Variants in MGST1 observed in about 807,000 individuals in gnomAD.
The protein encoded by MGST1 is microsomal glutathione S-transferase 1, also known as glutathione S-transferase 12.
MGST1 carries 5 observed loss-of-function variants against 8.9 expected under a neutral mutation model. The ratio of observed to expected loss-of-function variants is 0.56; its 90% CI spans 0.29 to 1.19. MGST1 has a LOEUF of 1.19. MGST1 is among the 50% of genes most tolerant of loss of function. The pLI is 0.08. For synonymous variants in MGST1, 54 were observed against 67.8 expected, an observed-to-expected ratio of 0.80 and a Z score of 1.00; for missense variants, 182 against 187.4, an observed-to-expected ratio of 0.97 and a Z score of 0.17.
chr12:16,411,105 G>C (rs138709868), intron 1 of MGST1, among the ~76,000 whole-genome samples: 1 of 152,056 alleles, frequency 6.6e-6, no homozygotes, highest in Non-Finnish European at 1.5e-5. Flanking sequence ...TTTTGTCATG[G>C]ACCCTCAAGG....
Position 16,513,601 on chromosome 12 carries a change from A to G in MGST1, n.483-75927A>G. 1 of 494,492 alleles carries G rather than the reference A, an allele frequency of 2.0e-6. No individual in the cohort carries two copies. Among genetic ancestry groups the G allele is most frequent in the Non-Finnish European group, 4.1e-6 (1 of 242,502 alleles). 30.6% of individuals were successfully genotyped at this position (494,492 alleles called of 1,614,324 possible). On this transcript the variant is annotated intron_variant and non_coding_transcript_variant, in intron 4 of 4. Transcript: ENST00000538857. This position sits in a 1 kb window ranked among gnomAD's most constrained non-coding sequence, Gnocchi z 4.2. ...GGGAGTTAGTGCCTACAGGGACCAC[A>G]ACGGAAAGCCTTACAGCATCCACAA...
In MGST1 at chr12:16,413,222, T is replaced by C. The variant is rs1240589521; in HGVS notation, n.779-24166T>C. On this transcript the variant is annotated intron_variant and non_coding_transcript_variant, in intron 1 of 1. Transcript: ENST00000359720. This position sits in a 1 kb window ranked among gnomAD's most constrained non-coding sequence, Gnocchi z 4.0. ...TTTGGCTCTGCAGGAGCTAAACTGG[T>C]ATCTACGGATGCTGTGTTGCCATTT... 6.6e-6 allele frequency among the ~76,000 whole-genome samples: 1 copy of C among 152,206 alleles called. No individual in the cohort carries two copies. The highest frequency in any genetic ancestry group is 1.5e-5 in the Non-Finnish European group (1 of 68,040).
intron 4 of MGST1, among the ~76,000 whole-genome samples, chr12:16,509,960 C>T (rs1473613255): frequency 1.3e-5 from 2 of 152,136 alleles, no homozygotes; most frequent in Non-Finnish European, 2.9e-5. Context: ...TCTCTTGATC[C>T]TTGATTTCCT....
At chr12:16,415,024 C>CA (rs938670768) in intron 1 of MGST1, among the ~76,000 whole-genome samples, 2 of 151,896 alleles carry the variant, frequency 1.3e-5, no homozygotes, top group African/African-American at 2.4e-5. Context: ...AACTTCGCCT[C>CA]AAAAAATTTT....
chr12:16,465,143 G>T (rs1941244935), intron 4 of MGST1, among the ~76,000 whole-genome samples: 2 of 152,236 alleles, frequency 1.3e-5, no homozygotes, highest in Non-Finnish European at 2.9e-5. Context: ...AAGAGGAGGG[G>T]TGGTGGTATG....
At chr12:16,395,788 T>TACAC (rs1352434655) in intron 1 of MGST1, among the ~76,000 whole-genome samples, 3 of 121,548 alleles carry the variant, frequency 2.5e-5, no homozygotes, top group East Asian at 3.0e-4. Flanking sequence ...ATCATATATA[T>TACAC]ATATATATAT....
rs370920842 is a variant in MGST1, at chr12:16,536,541, A to G, written n.483-52987A>G. ...CTGTTTTGGCACTAAGTAAAAAGGCAACCTTGAAATGACAATGTATTTGTC... is the reference window on the plus strand; with the variant it reads ...CTGTTTTGGCACTAAGTAAAAAGGCGACCTTGAAATGACAATGTATTTGTC... On this transcript the variant is annotated intron_variant and non_coding_transcript_variant, in intron 4 of 4. Coordinates refer to the MGST1 transcript ENST00000538857. Among the ~76,000 whole-genome samples the G allele has an allele frequency of 2.3e-4, 35 of 152,318 alleles. No homozygotes were observed. The East Asian group carries it at 2.7e-3, about 12-fold the overall frequency.
In MGST1 at chr12:16,357,706, C is replaced by G. The variant is rs770077140; in HGVS notation, c.221+7C>G. 6.2e-7 allele frequency: 1 copy of G among 1,605,834 alleles called. No individual in the cohort carries two copies. Among genetic ancestry groups the G allele is most frequent in the Non-Finnish European group, 8.5e-7 (1 of 1,176,074 alleles). The stretch of plus-strand genomic sequence containing the variant: ...GAGTAGAACGTGTACGCAGGTAAAC[C>G]AGTGTCTCTTGAAATTACTTACTTT... On this transcript the variant is annotated splice_region_variant and intron_variant, in intron 3 of 3. Coordinates refer to ENST00000396210, the MANE Select transcript of MGST1 (RefSeq NM_020300.5).
Position 16,584,297 on chromosome 12 carries a change from G to A in MGST1, n.483-5231G>A, listed in dbSNP as rs1180116543. On this transcript the variant is annotated intron_variant and non_coding_transcript_variant, in intron 4 of 4. Transcript: ENST00000538857. This position sits in a 1 kb window ranked among gnomAD's most constrained non-coding sequence, Gnocchi z 5.2. Reference sequence around the variant, plus strand: ...TTCATGGAATGTGGGATTTACATGAGTAAGTAGTACCTTGCACCTGTTGAC... The same window carrying A: ...TTCATGGAATGTGGGATTTACATGAATAAGTAGTACCTTGCACCTGTTGAC... Among the ~76,000 whole-genome samples the A allele has an allele frequency of 1.3e-5, 2 of 152,186 alleles. No individual in the cohort carries two copies. Among genetic ancestry groups the A allele is most frequent in the Non-Finnish European group, 2.9e-5 (2 of 68,042 alleles).
chr12:16,400,652 TC>T, intron 1 of MGST1: 1 of 1,496,344 alleles, frequency 6.7e-7, no homozygotes, highest in Non-Finnish European at 9.3e-7. Flanking sequence ...AAAAGTCGCT[TC>T]AGGGTTAGGA....
chr12:16,397,839 TTAA>T (rs971891354), intron 1 of MGST1, among the ~76,000 whole-genome samples: 1 of 149,238 alleles, frequency 6.7e-6, no homozygotes, highest in African/African-American at 2.4e-5. Context: ...TAATATAAAT[TTAA>T]TAATAAATAT....
At position 16,362,737 on chromosome 12, in the gene MGST1, C is replaced by G. The variant is rs111729264; in HGVS notation, c.222-1058C>G. ...CTGAGGCTGGAGGACTGCTTGAGAC[C>G]AGGTGTTCAAGACCAGCCTGGGCAA... On this transcript the variant is annotated intron_variant, in intron 3 of 3. Coordinates refer to ENST00000396210, the MANE Select transcript of MGST1 (RefSeq NM_020300.5). This position sits in a 1 kb window ranked among gnomAD's most constrained non-coding sequence, Gnocchi z 4.4. 2 of 152,032 alleles carry G rather than the reference C, an allele frequency of 1.3e-5. No homozygotes were observed. Among genetic ancestry groups the G allele is most frequent in the Admixed American group, 6.6e-5 (1 of 15,252 alleles). The allele number at this position is 152,032 out of a possible 1,614,324, so 9.4% of individuals were successfully genotyped here. A position where few individuals can be genotyped will look rare whatever the true frequency, so the allele number is the denominator to read the frequency against.
intron 4 of MGST1, among the ~76,000 whole-genome samples, chr12:16,489,821 T>C (rs1291370374): frequency 2.0e-5 from 3 of 152,162 alleles, no homozygotes; most frequent in South Asian, 2.1e-4. Context: ...CCAGTTATTT[T>C]CTACCGCCAT....
Position 16,354,355 on chromosome 12 carries a change from G to A in MGST1, c.103G>A (p.Ala35Thr), listed in dbSNP as rs758808454. ...AATGATGCTTATGAGTACTGCAACT[G>A]CATTCTATAGATTGACAAGAAAGGT... ...SKMMLMSTAT[A>T]FYRLTRKVFA... Residue 35 changes from alanine to threonine, a missense_variant, in exon 2 of 4, where the codon GCA (alanine) becomes ACA (threonine). Coordinates refer to ENST00000396210, the MANE Select transcript of MGST1 (RefSeq NM_020300.5). The A allele has an allele frequency of 1.0e-5, 16 of 1,598,770 alleles. No individual in the cohort carries two copies. The South Asian group carries it at 1.7e-4, about 17-fold the overall frequency.
chr12:16,437,509 A>G (rs991874785), exon 2 of MGST1: 1 of 151,960 alleles, frequency 6.6e-6, no homozygotes, highest in Non-Finnish European at 1.5e-5. Flanking sequence ...TGCTGGCGCA[A>G]GTTGCTTTTC....
At chr12:16,574,081 C>T (rs552835091) in intron 4 of MGST1, 34 of 152,238 alleles carry the variant, frequency 2.2e-4, no homozygotes, top group Admixed American at 2.2e-3. Flanking sequence ...CTTACCTGAT[C>T]CCTTTGGAAA....
In MGST1 at chr12:16,410,321, A is replaced by G. The variant is rs1940731740; in HGVS notation, n.778+26717A>G. On this transcript the variant is annotated intron_variant and non_coding_transcript_variant, in intron 1 of 1. Transcript: ENST00000359720. This position sits in a 1 kb window ranked among gnomAD's most constrained non-coding sequence, Gnocchi z 4.4. ...TACCGTTTTACTAGCATTCCTGCTT[A>G]TATACCTCCTAAGCATCTCTGAAAT... 6.6e-6 allele frequency among the ~76,000 whole-genome samples: 1 copy of G among 152,098 alleles called. No homozygotes were observed. The highest frequency in any genetic ancestry group is 1.5e-5 in the Non-Finnish European group (1 of 68,004).
At chr12:16,538,132 C>T (rs1402063501) in intron 4 of MGST1, among the ~76,000 whole-genome samples, 2 of 152,046 alleles carry the variant, frequency 1.3e-5, no homozygotes, top group African/African-American at 4.8e-5. Context: ...TGCCAGATAC[C>T]CTAAATTATC....
chr12:16,560,395 A>T lies in MGST1; in HGVS notation n.483-29133A>T. ...AGAGGTTAACCATTTCTTAGAGACC[A>T]AAAAGAGACCTGCTTACCTCTGATT... On this transcript the variant is annotated intron_variant and non_coding_transcript_variant, in intron 4 of 4. Transcript: ENST00000538857. This position sits in a 1 kb window ranked among gnomAD's most constrained non-coding sequence, Gnocchi z 5.0. 2.5e-6 allele frequency: 4 copies of T among 1,608,422 alleles called. No homozygotes were observed. Among genetic ancestry groups the T allele is most frequent in the Non-Finnish European group, 3.4e-6 (4 of 1,177,616 alleles).
Sources: gnomAD v4.1 joint callset for allele counts (sites outside exome capture counted in the v4.1 genomes callset) on GRCh38, gnomAD v4.1.1 for gene constraint, Gnocchi (gnomAD v3.1) non-coding constraint, MANE v1.5 for transcripts, NCBI Gene and HGNC (gene_info 2026-07-23, HGNC 2026-07-21) for gene names.